Variants in TNFRSF21 observed in about 807,000 individuals in gnomAD.
TNFRSF21 encodes TNF receptor superfamily member 21, also known as tumor necrosis factor receptor superfamily member 21.
In TNFRSF21, 19 loss-of-function variants were observed where a neutral mutation model predicts 45.6. The ratio of observed to expected loss-of-function variants is 0.42; its 90% CI spans 0.29 to 0.61. The LOEUF (loss-of-function observed/expected upper bound fraction) is 0.61. Among genes scored for constraint, TNFRSF21 ranks in the 20% least tolerant of loss-of-function variants. The probability of loss-of-function intolerance (pLI) is 0.23; values close to 1 mark genes in which losing one functional copy is unlikely to be tolerated. For synonymous variants in TNFRSF21, 314 were observed against 335.5 expected, an observed-to-expected ratio of 0.94 and a Z score of 0.70; for missense variants, 737 against 851.5, an observed-to-expected ratio of 0.87 and a Z score of 1.67.
intron 1 of TNFRSF21, among the ~76,000 whole-genome samples, chr6:47,301,218 A>T (rs1445952914): frequency 1.3e-5 from 2 of 152,236 alleles, no homozygotes; most frequent in African/African-American, 4.8e-5. Flanking sequence ...TTAAATCAAG[A>T]TCCTTCTGAA....
At chr6:47,302,421 C>T (rs967325985) in intron 1 of TNFRSF21, among the ~76,000 whole-genome samples, 1 of 152,198 alleles carries the variant, frequency 6.6e-6, no homozygotes, top group East Asian at 1.9e-4. Flanking sequence ...GAACCCATGT[C>T]ACACCGTTAT....
chr6:47,266,793 T>G (rs76861873), intron 3 of TNFRSF21, among the ~76,000 whole-genome samples: 1 of 152,224 alleles, frequency 6.6e-6, no homozygotes, highest in Non-Finnish European at 1.5e-5. Context: ...TTATAAATAT[T>G]TGAATCCAAG....
intron 1 of TNFRSF21, among the ~76,000 whole-genome samples, chr6:47,303,258 T>C (rs1762896487): frequency 6.6e-6 from 1 of 152,140 alleles, no homozygotes; most frequent in Admixed American, 6.5e-5. Context: ...AATAGAAAAG[T>C]ATATAAAGAT....
chr6:47,273,464 C>T (rs1218598857), intron 3 of TNFRSF21, among the ~76,000 whole-genome samples: 1 of 152,130 alleles, frequency 6.6e-6, no homozygotes, highest in Non-Finnish European at 1.5e-5. Context: ...TTCAACAGCG[C>T]TTCATGCTAA....
At chr6:47,237,771 T>C (rs142865381) in intron 4 of TNFRSF21, among the ~76,000 whole-genome samples, 70 of 152,342 alleles carry the variant, frequency 4.6e-4, no homozygotes, top group African/African-American at 1.7e-3. Context: ...CCCATTTCAG[T>C]TGACCATAAC....
In TNFRSF21 at chr6:47,232,526, G is replaced by A; in HGVS notation, c.*239C>T. 1 of 482,824 alleles carries A rather than the reference G, an allele frequency of 2.1e-6. No homozygotes were observed. The highest frequency in any genetic ancestry group is 3.6e-6 in the Non-Finnish European group (1 of 275,178). 29.9% of individuals were successfully genotyped at this position (482,824 alleles called of 1,614,324 possible). A position where few individuals can be genotyped will look rare whatever the true frequency, so the allele number is the denominator to read the frequency against. ...GGGTATTTCACAACAGTTACACCTG[G>A]CAAAGGCTTATAAACCAACTTCCCA... On this transcript the variant is annotated 3_prime_UTR_variant, in exon 6 of 6. Transcript: ENST00000296861.
chr6:47,290,169 G>A (rs571262139), intron 1 of TNFRSF21, among the ~76,000 whole-genome samples: 1 of 152,288 alleles, frequency 6.6e-6, no homozygotes, highest in African/African-American at 2.4e-5. Flanking sequence ...AGCTGTATTA[G>A]TAACCCAAGT....
Position 47,231,812 on chromosome 6 carries a change from GATTATGTGTATATAAAAAAC to G in TNFRSF21, c.*933_*952del, listed in dbSNP as rs1461154277. On this transcript the variant is annotated 3_prime_UTR_variant, in exon 6 of 6. Coordinates refer to ENST00000296861, the MANE Select transcript of TNFRSF21 (RefSeq NM_014452.5). ...GCCTTGAGAGCAGATTGGACCTATTGATTATGTGTATATAAAAAACAAGACATCTTTTAAAGCAAAGCTGG... is the reference window on the plus strand; with the variant it reads ...GCCTTGAGAGCAGATTGGACCTATTGAAGACATCTTTTAAAGCAAAGCTGG... 1.3e-5 allele frequency: 2 copies of G among 152,600 alleles called. No individual in the cohort carries two copies. Among genetic ancestry groups the G allele is most frequent in the African/African-American group, 4.8e-5 (2 of 41,436 alleles). 9.5% of individuals were successfully genotyped at this position (152,600 alleles called of 1,614,324 possible).
intron 1 of TNFRSF21, among the ~76,000 whole-genome samples, chr6:47,292,847 T>C (rs539182086): frequency 3.9e-5 from 6 of 152,230 alleles, no homozygotes; most frequent in Non-Finnish European, 8.8e-5. Flanking sequence ...CATGCACACC[T>C]TAAATTGGCT....
intron 1 of TNFRSF21, among the ~76,000 whole-genome samples, chr6:47,304,342 T>C (rs1762910109): frequency 6.6e-6 from 1 of 151,950 alleles, no homozygotes. Context: ...GTTTACATGC[T>C]TTATGAAGGA....
chr6:47,274,237 T>C (rs1445003039), intron 3 of TNFRSF21, among the ~76,000 whole-genome samples: 1 of 152,160 alleles, frequency 6.6e-6, no homozygotes, highest in Non-Finnish European at 1.5e-5. Flanking sequence ...CTTCAAACTA[T>C]ACTACAAGGC....
At chr6:47,302,129 C>T (rs1165724036) in intron 1 of TNFRSF21, among the ~76,000 whole-genome samples, 4 of 152,306 alleles carry the variant, frequency 2.6e-5, no homozygotes, top group South Asian at 2.1e-4. Context: ...TTTACTCAGT[C>T]TCTACAACCT....
At position 47,232,866 on chromosome 6, in the gene TNFRSF21, C is replaced by T. The variant is rs1195575735; in HGVS notation, c.1867G>A (p.Asp623Asn). 5.0e-6 allele frequency: 8 copies of T among 1,614,142 alleles called. No homozygotes were observed. The highest frequency in any genetic ancestry group is 6.8e-6 in the Non-Finnish European group (8 of 1,180,026). Residue 623 changes from aspartate (D) to asparagine (N), a missense_variant, in exon 6 of 6, where the codon GAC becomes AAC. By Grantham distance (23) the Asp-to-Asn change is conservative. Coordinates refer to ENST00000296861, the MANE Select transcript of TNFRSF21 (RefSeq NM_014452.5). ...ATTTCGAATAGCCGGTCTAGTTTGT[C>T]CTCAGCCTGGGGAATCTCTTCAATC... ...RVIEEIPQAEDKLDRLFEIIG... is the reference protein window; with the variant it reads ...RVIEEIPQAENKLDRLFEIIG...
chr6:47,244,158 A>G (rs1764790454), intron 4 of TNFRSF21, among the ~76,000 whole-genome samples: 1 of 151,824 alleles, frequency 6.6e-6, no homozygotes, highest in South Asian at 2.1e-4. Context: ...CATCTCTACT[A>G]AAAAATACAA....
At chr6:47,298,474 TAA>T (rs1278500197) in intron 1 of TNFRSF21, among the ~76,000 whole-genome samples, 2 of 151,812 alleles carry the variant, frequency 1.3e-5, no homozygotes, top group African/African-American at 2.4e-5. Flanking sequence ...AATAAAAATT[TAA>T]AAAGAGTGAG....
Position 47,286,473 on chromosome 6 carries a change from T to C in TNFRSF21, c.219A>G (p.Gly73=). ...QVLTCDKCPA[G]TYVSEHCTNT... ...TGGTACAATGCTCAGAGACATAGGT[T>C]CCTGCTGGACACTTGTCACAGGTTA... The change falls in exon 2 of 6, where the codon GGA becomes GGG. Residue 73 remains glycine (G), a synonymous_variant. Transcript: ENST00000296861. The C allele has an allele frequency of 6.2e-7, 1 of 1,614,210 alleles. No individual in the cohort carries two copies.
In TNFRSF21 at chr6:47,263,182, G is replaced by A. The variant is rs1765096604; in HGVS notation, c.1244-9661C>T. Among the ~76,000 whole-genome samples the A allele has an allele frequency of 2.0e-5, 3 of 152,132 alleles. No homozygotes were observed. The South Asian group carries it at 6.2e-4, about 32-fold the overall frequency. ...GTGAGAATGTAATAAAGGAATCAAG[G>A]ATGCTAAGGTTTCATCCTGAGCAAG... On this transcript the variant is annotated intron_variant, in intron 3 of 5. Transcript: ENST00000296861.
At chr6:47,275,417 C>T (rs1388545755) in intron 3 of TNFRSF21, among the ~76,000 whole-genome samples, 3 of 152,098 alleles carry the variant, frequency 2.0e-5, no homozygotes, top group Non-Finnish European at 4.4e-5. Context: ...GAAAACCAAA[C>T]ACCGCATGTT....
At chr6:47,272,021 C>A (rs1475120992) in intron 3 of TNFRSF21, among the ~76,000 whole-genome samples, 2 of 152,088 alleles carry the variant, frequency 1.3e-5, no homozygotes, top group East Asian at 1.9e-4. Flanking sequence ...TAAAGCAAGT[C>A]CTTAGAGACA....
Sources: gnomAD v4.1 joint callset for allele counts (sites outside exome capture counted in the v4.1 genomes callset) on GRCh38, gnomAD v4.1.1 for gene constraint, MANE v1.5 for transcripts, NCBI Gene and HGNC (gene_info 2026-07-23, HGNC 2026-07-21) for gene names.